HS3ST2: variants seen among roughly 807,000 people sequenced by gnomAD.
HS3ST2 encodes heparan sulfate-glucosamine 3-sulfotransferase 2, also known as heparan sulfate glucosamine 3-O-sulfotransferase 2.
A neutral mutation model predicts 26.3 loss-of-function variants in HS3ST2; 17 were observed. That is an observed-to-expected ratio of 0.65 (90% CI 0.44 to 0.97). The LOEUF (loss-of-function observed/expected upper bound fraction) is 0.97. Ranked by LOEUF, HS3ST2 falls within the 50% of genes least tolerant of loss-of-function variation. The pLI, the probability that HS3ST2 is intolerant of heterozygous loss-of-function variation, is 0.00. For missense variants in HS3ST2, 402 were observed against 501.2 expected, an observed-to-expected ratio of 0.80 and a Z score of 1.89; for synonymous variants, 237 against 219.2, an observed-to-expected ratio of 1.08 and a Z score of -0.72.
chr16:22,838,529 G>A (rs1370064528), intron 1 of HS3ST2, among the ~76,000 whole-genome samples: 1 of 152,144 alleles, frequency 6.6e-6, no homozygotes, highest in Non-Finnish European at 1.5e-5. Context: ...CAGGTGTATG[G>A]TAGCTGAATA....
Position 22,885,655 on chromosome 16 carries a change from C to A in HS3ST2, c.486-29289C>A, listed in dbSNP as rs143096724. Among the ~76,000 whole-genome samples, 946 of 152,072 alleles carry A rather than the reference C, an allele frequency of 6.2e-3. 9 individuals carry two copies. Among genetic ancestry groups the A allele is most frequent in the African/African-American group, 0.019 (802 of 41,496 alleles). On this transcript the variant is annotated intron_variant, in intron 1 of 1. Transcript: ENST00000261374. ...ATTTTTAATAGAGACGGGCCTTCAC[C>A]GTGTTGGCCAGGCTGGTCTCAAACT...
rs1013298661 is a variant in HS3ST2, at chr16:22,916,256, T to C, written c.*694T>C. 4 of 152,734 alleles carry C rather than the reference T, an allele frequency of 2.6e-5. No individual in the cohort carries two copies. The highest frequency in any genetic ancestry group is 9.6e-5 in the African/African-American group (4 of 41,478). 9.5% of individuals were successfully genotyped at this position (152,734 alleles called of 1,614,324 possible). A position where few individuals can be genotyped will look rare whatever the true frequency, so the allele number is the denominator to read the frequency against. ...CATAATTCTGCTGTTACGGGTACTTTGCTCATACGAGCTTTCATGTTCAGC... is the reference window on the plus strand; with the variant it reads ...CATAATTCTGCTGTTACGGGTACTTCGCTCATACGAGCTTTCATGTTCAGC... On this transcript the variant is annotated 3_prime_UTR_variant, in exon 2 of 2. Transcript: ENST00000261374.
chr16:22,915,854 AAG>A lies in HS3ST2; in HGVS notation c.*295_*296del, dbSNP rs1409310578. 4.8e-6 allele frequency: 2 copies of A among 417,024 alleles called. No individual in the cohort carries two copies. Among genetic ancestry groups the A allele is most frequent in the Non-Finnish European group, 8.5e-6 (2 of 234,208 alleles). 25.8% of individuals were successfully genotyped at this position (417,024 alleles called of 1,614,324 possible). A position where few individuals can be genotyped will look rare whatever the true frequency, so the allele number is the denominator to read the frequency against. On this transcript the variant is annotated 3_prime_UTR_variant, in exon 2 of 2. Transcript: ENST00000261374. ...AAGGGCCTTGGAGAATTGCTTTAAG[AAG>A]AGTGAATGTTCCAATGATGATAGAT...
intron 1 of HS3ST2, among the ~76,000 whole-genome samples, chr16:22,898,489 T>TGAGAAG (rs1361858589): frequency 6.6e-6 from 1 of 152,046 alleles, no homozygotes; most frequent in Non-Finnish European, 1.5e-5. Context: ...GACCTGAGCA[T>TGAGAAG]GAGAAGGATT....
chr16:22,915,354 C>A lies in HS3ST2; in HGVS notation c.896C>A (p.Thr299Lys). 1 of 1,614,054 alleles carries A rather than the reference C, an allele frequency of 6.2e-7. No homozygotes were observed. Among genetic ancestry groups the A allele is most frequent in the Non-Finnish European group, 8.5e-7 (1 of 1,180,002 alleles). ...TTCCTGGGCATTAAGAGATTCATCA[C>A]GGACAAGCACTTCTATTTCAACAAG... ...QDFLGIKRFI[T>K]DKHFYFNKTK... Residue 299 changes from threonine to lysine, a missense_variant, in exon 2 of 2, where the codon ACG becomes AAG. This residue lies in a region of HS3ST2 where 237 missense variants were observed against 346.6 expected (regional missense o/e 0.68). Coordinates refer to ENST00000261374, the MANE Select transcript of HS3ST2 (RefSeq NM_006043.2).
intron 1 of HS3ST2, among the ~76,000 whole-genome samples, chr16:22,901,767 C>T (rs1902284506): frequency 6.6e-6 from 1 of 152,194 alleles, no homozygotes; most frequent in African/African-American, 2.4e-5. Flanking sequence ...TTTTCACCTT[C>T]CATATCCTTC....
chr16:22,859,182 C>T (rs780197940), intron 1 of HS3ST2, among the ~76,000 whole-genome samples: 13 of 152,086 alleles, frequency 8.5e-5, no homozygotes, highest in Admixed American at 2.0e-4. Flanking sequence ...AATAAACAAA[C>T]GAACACTTTA....
At chr16:22,856,866 G>A (rs11865465) in intron 1 of HS3ST2, among the ~76,000 whole-genome samples, 9,664 of 152,296 alleles carry the variant, frequency 0.063, 386 homozygotes, top group African/African-American at 0.11. Context: ...AGAGTGCAGA[G>A]CTGAGTCATT....
intron 1 of HS3ST2, among the ~76,000 whole-genome samples, chr16:22,901,148 G>A: frequency 6.6e-6 from 1 of 152,200 alleles, no homozygotes; most frequent in Admixed American, 6.5e-5. Context: ...TCCACACATT[G>A]CAGGTGAAGA....
rs75735951 is a variant in HS3ST2, at chr16:22,818,555, G to C, written c.485+3460G>C. On this transcript the variant is annotated intron_variant, in intron 1 of 1. Coordinates refer to ENST00000261374, the MANE Select transcript of HS3ST2 (RefSeq NM_006043.2). ...CTGATGCTGCTGCTGTTACTAAATC[G>C]GGCTGAGGAATTAATCAATTGCTAT... Among the ~76,000 whole-genome samples, 15 of 151,908 alleles carry C rather than the reference G, an allele frequency of 9.9e-5. 1 individual carries two copies. The East Asian group carries it at 2.7e-3, about 27-fold the overall frequency.
intron 1 of HS3ST2, among the ~76,000 whole-genome samples, chr16:22,911,560 G>A (rs2141749423): frequency 6.6e-6 from 1 of 152,336 alleles, no homozygotes; most frequent in African/African-American, 2.4e-5. Context: ...CCTTCTGACT[G>A]CTCTGAGAAG....
intron 1 of HS3ST2, among the ~76,000 whole-genome samples, chr16:22,827,813 G>A (rs1411835034): frequency 6.7e-6 from 1 of 148,696 alleles, no homozygotes; most frequent in Admixed American, 6.8e-5. Flanking sequence ...CCAGGCTCAA[G>A]CAATCCTCCC....
chr16:22,864,155 C>G (rs1333397214), intron 1 of HS3ST2, among the ~76,000 whole-genome samples: 2 of 152,194 alleles, frequency 1.3e-5, no homozygotes, highest in Non-Finnish European at 2.9e-5. Context: ...CCACCCTGCC[C>G]TTTCAGTTGA....
At chr16:22,885,327 G>A (rs1406766689) in intron 1 of HS3ST2, among the ~76,000 whole-genome samples, 2 of 150,738 alleles carry the variant, frequency 1.3e-5, no homozygotes. Flanking sequence ...AAAATTGAGA[G>A]GAGGGGAAAA....
intron 1 of HS3ST2, among the ~76,000 whole-genome samples, chr16:22,881,953 A>G (rs1901994955): frequency 6.6e-6 from 1 of 152,000 alleles, no homozygotes; most frequent in South Asian, 2.1e-4. Flanking sequence ...TTTGGCTCTT[A>G]TCATGTTTGT....
chr16:22,837,511 GTATA>G (rs956100872), intron 1 of HS3ST2, among the ~76,000 whole-genome samples: 6 of 142,696 alleles, frequency 4.2e-5, no homozygotes, highest in African/African-American at 1.6e-4. Context: ...ATATATATGT[GTATA>G]TATATACACA....
chr16:22,855,601 A>G (rs971843390), intron 1 of HS3ST2, among the ~76,000 whole-genome samples: 6 of 151,616 alleles, frequency 4.0e-5, no homozygotes, highest in African/African-American at 1.5e-4. Flanking sequence ...TTCCTTTTCA[A>G]TCTCTGATTT....
At chr16:22,884,788 G>A (rs142646091) in intron 1 of HS3ST2, among the ~76,000 whole-genome samples, 3 of 147,490 alleles carry the variant, frequency 2.0e-5, no homozygotes, top group Admixed American at 6.8e-5. Flanking sequence ...GACCTGTAGC[G>A]TTTCAGCCCT....
In HS3ST2 at chr16:22,915,699, C is replaced by T; in HGVS notation, c.*137C>T. 1 of 917,920 alleles carries T rather than the reference C, an allele frequency of 1.1e-6. No individual in the cohort carries two copies. Among genetic ancestry groups the T allele is most frequent in the East Asian group, 2.5e-5 (1 of 39,246 alleles). The allele number at this position is 917,920 out of a possible 1,614,324, so 56.9% of individuals were successfully genotyped here. ...CAACTTGAGTTGCATCATCTTGGAA[C>T]CAGGAAGCCCAGCTAAAGCCAAGAG... On this transcript the variant is annotated 3_prime_UTR_variant, in exon 2 of 2. Transcript: ENST00000261374.
Sources: allele counts gnomAD v4.1 joint callset (sites outside exome capture counted in the v4.1 genomes callset), GRCh38; gene constraint gnomAD v4.1.1; regional missense constraint gnomAD v4.1.1; transcripts MANE v1.5; gene names NCBI Gene and HGNC (gene_info 2026-07-23, HGNC 2026-07-21).